Variants in MGMT observed in about 807,000 individuals in gnomAD.
MGMT encodes methylated-DNA--protein-cysteine methyltransferase.
A neutral mutation model predicts 15.9 loss-of-function variants in MGMT; 14 were observed. The observed-to-expected ratio is 0.88, with a 90% CI of 0.58 to 1.37. The LOEUF (loss-of-function observed/expected upper bound fraction) is 1.37. MGMT is among the 40% of genes most tolerant of loss of function. MGMT has a pLI of 0.00. For synonymous variants in MGMT, 130 were observed against 118.2 expected, an observed-to-expected ratio of 1.10 and a Z score of -0.65; for missense variants, 282 against 268.1, an observed-to-expected ratio of 1.05 and a Z score of -0.36.
Position 129,586,667 on chromosome 10 carries a change from G to A in MGMT, c.125+50290G>A, listed in dbSNP as rs757941280. The stretch of plus-strand genomic sequence containing the variant: ...ATTGAATATTGTTCTTTCTGCTTTC[G>A]GCTGTTGCAGACACTGCTATGAATA... On this transcript the variant is annotated intron_variant, in intron 2 of 4. Transcript: ENST00000651593. Among the ~76,000 whole-genome samples the A allele has an allele frequency of 5.9e-5, 9 of 152,176 alleles. 1 individual carries two copies. The highest frequency in any genetic ancestry group is 8.8e-5 in the Non-Finnish European group (6 of 68,014).
At chr10:129,699,027 A>T (rs753319727) in intron 2 of MGMT, among the ~76,000 whole-genome samples, 3 of 152,206 alleles carry the variant, frequency 2.0e-5, no homozygotes, top group Non-Finnish European at 2.9e-5. Context: ...GCATCCTGTA[A>T]TTGTTTTGGA....
Position 129,518,064 on chromosome 10 carries a change from G to A in MGMT, c.-12-18177G>A, listed in dbSNP as rs570558666. Among the ~76,000 whole-genome samples, 345 of 152,104 alleles carry A rather than the reference G, an allele frequency of 2.3e-3. 3 individuals carry two copies. The highest frequency in any genetic ancestry group is 6.1e-3 in the African/African-American group (254 of 41,468). ...CTGGGGAGGGAGCGCTGTCTCCATC[G>A]TCCTTTGGGAGGATGTGGGATGGCT... On this transcript the variant is annotated intron_variant, in intron 1 of 4. Coordinates refer to ENST00000651593, the MANE Select transcript of MGMT (RefSeq NM_002412.5).
intron 4 of MGMT, among the ~76,000 whole-genome samples, chr10:129,760,789 G>A (rs1848863569): frequency 3.9e-5 from 6 of 152,158 alleles, no homozygotes; most frequent in Admixed American, 3.9e-4. Context: ...TCCCAGGAGT[G>A]AGATACCACA....
At chr10:129,710,770 C>T (rs920764343) in intron 3 of MGMT, among the ~76,000 whole-genome samples, 1 of 152,168 alleles carries the variant, frequency 6.6e-6, no homozygotes, top group African/African-American at 2.4e-5. Flanking sequence ...CTCAGAGCCG[C>T]CTGGAAGCTG....
chr10:129,752,140 C>T (rs1848756786), intron 3 of MGMT, among the ~76,000 whole-genome samples: 1 of 151,880 alleles, frequency 6.6e-6, no homozygotes, highest in African/African-American at 2.4e-5. Flanking sequence ...GTCTAATTTT[C>T]CTTGAATTTT....
At chr10:129,509,376 T>A (rs1845658282) in intron 1 of MGMT, among the ~76,000 whole-genome samples, 1 of 152,202 alleles carries the variant, frequency 6.6e-6, no homozygotes, top group Non-Finnish European at 1.5e-5. Context: ...CACCAGGCCC[T>A]GCACACGGTT....
chr10:129,704,023 A>G (rs1275874666), intron 2 of MGMT, among the ~76,000 whole-genome samples: 1 of 151,886 alleles, frequency 6.6e-6, no homozygotes, highest in Non-Finnish European at 1.5e-5. Flanking sequence ...CAGGGCTTCC[A>G]CCCCTCTGTT....
intron 3 of MGMT, among the ~76,000 whole-genome samples, chr10:129,749,408 T>C (rs998067535): frequency 2.0e-5 from 3 of 152,194 alleles, no homozygotes; most frequent in Admixed American, 2.0e-4. Flanking sequence ...TTCGGCTGGC[T>C]TCCTTTGCTT....
intron 2 of MGMT, among the ~76,000 whole-genome samples, chr10:129,657,709 A>ACG (rs1284794857): frequency 8.3e-5 from 12 of 145,146 alleles, no homozygotes; most frequent in Non-Finnish European, 1.2e-4. Flanking sequence ...ACACACACGC[A>ACG]CACACACACA....
At chr10:129,600,836 T>C (rs1278767879) in intron 2 of MGMT, among the ~76,000 whole-genome samples, 1 of 152,192 alleles carries the variant, frequency 6.6e-6, no homozygotes, top group Admixed American at 6.5e-5. Flanking sequence ...GTCTGATGGC[T>C]TACTGGCAAG....
At chr10:129,677,259 CTT>C (rs1376917694) in intron 2 of MGMT, among the ~76,000 whole-genome samples, 5 of 151,710 alleles carry the variant, frequency 3.3e-5, no homozygotes, top group South Asian at 2.1e-4. Flanking sequence ...TTTAAATTGT[CTT>C]ATATTATTTA....
At chr10:129,756,443 G>A (rs539579500) in intron 3 of MGMT, among the ~76,000 whole-genome samples, 101 of 152,254 alleles carry the variant, frequency 6.6e-4, no homozygotes, top group South Asian at 5.6e-3. Context: ...CATGGTGAAA[G>A]AGAGAAGGCT....
intron 2 of MGMT, among the ~76,000 whole-genome samples, chr10:129,676,422 G>A (rs1200367631): frequency 3.3e-5 from 5 of 152,134 alleles, no homozygotes; most frequent in South Asian, 2.1e-4. Context: ...CAGAGCAAGC[G>A]CAGTGGACCC....
chr10:129,513,175 A>G (rs1845702929), intron 1 of MGMT, among the ~76,000 whole-genome samples: 1 of 152,218 alleles, frequency 6.6e-6, no homozygotes, highest in Non-Finnish European at 1.5e-5. Context: ...ATATGGGTCC[A>G]CAGACATGAG....
At chr10:129,693,477 C>G (rs915096871) in intron 2 of MGMT, among the ~76,000 whole-genome samples, 3 of 152,318 alleles carry the variant, frequency 2.0e-5, no homozygotes, top group African/African-American at 7.2e-5. Context: ...AAGCATAACT[C>G]TAGCTCTCCA....
intron 2 of MGMT, among the ~76,000 whole-genome samples, chr10:129,541,660 T>C (rs1217574660): frequency 1.3e-5 from 2 of 152,246 alleles, no homozygotes; most frequent in Non-Finnish European, 2.9e-5. Flanking sequence ...TACCAAGGGC[T>C]TACCCTTGTT....
At chr10:129,747,345 C>T (rs1848705982) in intron 3 of MGMT, among the ~76,000 whole-genome samples, 1 of 152,060 alleles carries the variant, frequency 6.6e-6, no homozygotes, top group Non-Finnish European at 1.5e-5. Flanking sequence ...ATACAGTTGT[C>T]AGATTGAGGA....
At chr10:129,545,219 CT>C (rs576615512) in intron 2 of MGMT, among the ~76,000 whole-genome samples, 85 of 152,314 alleles carry the variant, frequency 5.6e-4, no homozygotes, top group Admixed American at 9.2e-4. Flanking sequence ...GAGACTGCCA[CT>C]CTGGGAGTGA....
At chr10:129,632,487 G>A (rs1278702894) in intron 2 of MGMT, among the ~76,000 whole-genome samples, 6 of 152,184 alleles carry the variant, frequency 3.9e-5, no homozygotes, top group African/African-American at 1.2e-4. Flanking sequence ...AAAAGCACAC[G>A]GTAGAGGATT....
Sources: gnomAD v4.1 joint callset for allele counts (sites outside exome capture counted in the v4.1 genomes callset) on GRCh38, gnomAD v4.1.1 for gene constraint, MANE v1.5 for transcripts, NCBI Gene and HGNC (gene_info 2026-07-23, HGNC 2026-07-21) for gene names.